Variants in IL17B observed in about 807,000 individuals in gnomAD.
The protein encoded by IL17B is interleukin-17B.
IL17B carries 14 observed loss-of-function variants against 14.7 expected under a neutral mutation model. That is an observed-to-expected ratio of 0.95 (90% CI 0.63 to 1.49). The LOEUF (loss-of-function observed/expected upper bound fraction) is 1.49, where lower values mean the gene tolerates loss of function less well. IL17B is among the 40% of genes most tolerant of loss of function. IL17B has a pLI of 0.00. For missense variants in IL17B, 233 were observed against 252.8 expected, an observed-to-expected ratio of 0.92 and a Z score of 0.53; for synonymous variants, 105 against 94.8, an observed-to-expected ratio of 1.11 and a Z score of -0.62.
rs114081659 is a variant in IL17B, at chr5:149,387,856, G to C, written n.96-10831C>G. On this transcript the variant is annotated intron_variant and non_coding_transcript_variant, in intron 1 of 2. Transcript: ENST00000505432. Reference sequence around the variant, plus strand: ...TTATTTACTTGCTGGATCAACACGTGAATGTAAGTATTTTACAGAAGAAGA... The same window carrying C: ...TTATTTACTTGCTGGATCAACACGTCAATGTAAGTATTTTACAGAAGAAGA... 4.6e-3 allele frequency among the ~76,000 whole-genome samples: 695 copies of C among 151,920 alleles called. 4 individuals carry two copies. Among genetic ancestry groups the C allele is most frequent in the African/African-American group, 0.016 (659 of 41,392 alleles).
chr5:149,374,906 C>G lies in IL17B; in HGVS notation c.312-306G>C. 3.3e-6 allele frequency: 1 copy of G among 301,330 alleles called. No individual in the cohort carries two copies. The highest frequency in any genetic ancestry group is 6.2e-6 in the Non-Finnish European group (1 of 160,274). The allele number at this position is 301,330 out of a possible 1,614,324, so 18.7% of individuals were successfully genotyped here. On this transcript the variant is annotated intron_variant, in intron 2 of 2. Transcript: ENST00000261796. The surrounding 1 kb of genome is among the most constrained non-coding windows in gnomAD (Gnocchi z 5.0). ...GCTGTGGGGATTGTGGAGTAGCCCT[C>G]TACCACCTAGGGCCCTCATGTGTTT...
Position 149,377,012 on chromosome 5 carries a change from G to T in IL17B, c.35C>A (p.Thr12Asn). 1 of 1,553,752 alleles carries T rather than the reference G, an allele frequency of 6.4e-7. No individual in the cohort carries two copies. The highest frequency in any genetic ancestry group is 8.7e-7 in the Non-Finnish European group (1 of 1,155,552). Residue 12 changes from threonine to asparagine, a missense_variant, in exon 2 of 3, where the codon ACC (threonine) becomes AAC (asparagine). By Grantham distance (65) the Thr-to-Asn change is moderately conservative. Coordinates refer to ENST00000261796, the MANE Select transcript of IL17B (RefSeq NM_014443.3). ...GCCCAGCCCCAGGAAGATGGAAATG[G>T]TAAGAAGAAACAGCTGGGGAGGAAA... ...DWPHNLLFLL[T>N]ISIFLGLGQP...
chr5:149,396,844 G>A (rs1422188701), intron 1 of IL17B, among the ~76,000 whole-genome samples: 3 of 152,196 alleles, frequency 2.0e-5, no homozygotes. Context: ...CTCAATATCA[G>A]CAAGTGCCTT....
chr5:149,380,072 C>G (rs1426486062), upstream of IL17B, among the ~76,000 whole-genome samples: 1 of 152,164 alleles, frequency 6.6e-6, no homozygotes, highest in African/African-American at 2.4e-5. Flanking sequence ...CTGGGGTGGT[C>G]TCCGCTCTCA....
Position 149,390,213 on chromosome 5 carries a change from A to T in IL17B, n.96-13188T>A, listed in dbSNP as rs184792060. Among the ~76,000 whole-genome samples, 240 of 142,278 alleles carry T rather than the reference A, an allele frequency of 1.7e-3. 5 individuals are homozygous for T. Among genetic ancestry groups the T allele is most frequent in the African/African-American group, 5.6e-3 (224 of 39,918 alleles). The allele number at this position is 142,278 out of a possible 152,430, so 93.3% of individuals were successfully genotyped here. A position where few individuals can be genotyped will look rare whatever the true frequency, so the allele number is the denominator to read the frequency against. ...GAATTCCCCTGCTATTACTGGTATT[A>T]GTGACCCCCCCCCTCCCTGTCCCTG... On this transcript the variant is annotated intron_variant and non_coding_transcript_variant, in intron 1 of 2. Coordinates refer to the IL17B transcript ENST00000505432.
rs1183872406 is a variant in IL17B at position 149,397,702 on chromosome 5, T to C, written n.95+6406A>G. Among the ~76,000 whole-genome samples, 4 of 152,186 alleles carry C rather than the reference T, an allele frequency of 2.6e-5. No homozygotes were observed. The East Asian group carries it at 7.7e-4, about 29-fold the overall frequency. On this transcript the variant is annotated intron_variant and non_coding_transcript_variant, in intron 1 of 2. Transcript: ENST00000505432. ...TGAGAGATTTATTAGGCGGATTGAC[T>C]CACATGATTACAGTGGCTGAGAAGT... is the stretch of plus-strand genomic sequence containing the variant.
intron 1 of IL17B, among the ~76,000 whole-genome samples, chr5:149,392,128 T>C (rs1758981005): frequency 6.6e-6 from 1 of 152,208 alleles, no homozygotes; most frequent in Non-Finnish European, 1.5e-5. Flanking sequence ...GAATCACAAA[T>C]GCACAAGGAC....
upstream of IL17B, among the ~76,000 whole-genome samples, chr5:149,384,142 G>C (rs1430734899): frequency 4.6e-5 from 7 of 152,158 alleles, no homozygotes; most frequent in Non-Finnish European, 1.5e-5. Context: ...TAAAACTCTG[G>C]TTGTTGAAAA....
At position 149,379,282 on chromosome 5, in the gene IL17B, G is replaced by A. The variant is rs566010839; in HGVS notation, c.-57C>T. ...CTGCCCGCCTGGAACCCCAGATGCC[G>A]CCGAGAGAATGGCAGCAACAGGATG... On this transcript the variant is annotated 5_prime_UTR_variant, in exon 1 of 3. Transcript: ENST00000261796. 2.5e-5 allele frequency: 40 copies of A among 1,608,288 alleles called. No individual in the cohort carries two copies. The highest frequency in any genetic ancestry group is 3.4e-5 in the Admixed American group (2 of 59,530).
rs544658037 is a variant in IL17B at position 149,379,194 on chromosome 5, G to A, written c.21+11C>T. On this transcript the variant is annotated intron_variant, in intron 1 of 2. Transcript: ENST00000261796. ...AAAGGGGTGGGGGTGCGGCAGGGAAGCGCCACGTACCAGGTTGTGAGGCCA... is the reference window on the plus strand; with the variant it reads ...AAAGGGGTGGGGGTGCGGCAGGGAAACGCCACGTACCAGGTTGTGAGGCCA... The A allele has an allele frequency of 2.1e-5, 34 of 1,614,094 alleles. 1 individual carries two copies. In the South Asian group the frequency reaches 3.2e-4, roughly 15 times the overall value.
upstream of IL17B, among the ~76,000 whole-genome samples, chr5:149,383,404 G>A (rs1029977264): frequency 6.6e-6 from 1 of 152,178 alleles, no homozygotes; most frequent in Non-Finnish European, 1.5e-5. Context: ...GCAAGGCCAG[G>A]GGGACCTGAA....
upstream of IL17B, among the ~76,000 whole-genome samples, chr5:149,384,006 A>G (rs1292847362): frequency 6.6e-6 from 1 of 152,208 alleles, no homozygotes; most frequent in Non-Finnish European, 1.5e-5. Context: ...CACCACCCAC[A>G]GGCCATCAGA....
Position 149,374,725 on chromosome 5 carries a change from TG to T in IL17B, c.312-126del. On this transcript the variant is annotated intron_variant, in intron 2 of 2. Coordinates refer to ENST00000261796, the MANE Select transcript of IL17B (RefSeq NM_014443.3). The surrounding 1 kb of genome is among the most constrained non-coding windows in gnomAD (Gnocchi z 5.0). ...TTTCCACAGCAAGACTGTGTTGGGC[TG>T]GAGGAAAGGCAGTAATCAACTCCAT... The T allele has an allele frequency of 1.4e-6, 1 of 699,464 alleles. No homozygotes were observed. The highest frequency in any genetic ancestry group is 2.3e-6 in the Non-Finnish European group (1 of 431,498). The allele number at this position is 699,464 out of a possible 1,614,324, so 43.3% of individuals were successfully genotyped here.
chr5:149,379,735 C>T (rs1758640051), upstream of IL17B, among the ~76,000 whole-genome samples: 1 of 152,182 alleles, frequency 6.6e-6, no homozygotes, highest in Non-Finnish European at 1.5e-5. Context: ...GCACTCCAGC[C>T]TCTGCCGGCC....
At chr5:149,394,418 G>A (rs1759050547) in intron 1 of IL17B, among the ~76,000 whole-genome samples, 1 of 152,176 alleles carries the variant, frequency 6.6e-6, no homozygotes, top group South Asian at 2.1e-4. Flanking sequence ...TTTCACAAAT[G>A]CACATGTACA....
At chr5:149,383,480 C>A (rs980286007), upstream of IL17B, among the ~76,000 whole-genome samples, 30 of 152,288 alleles carry the variant, frequency 2.0e-4, no homozygotes, top group African/African-American at 6.3e-4. Context: ...AGAGGCTAGT[C>A]GGCGCCTTTG....
rs770594038 is a variant in IL17B, at chr5:149,374,806, A to G, written c.312-206T>C. 3.7e-6 allele frequency: 2 copies of G among 537,486 alleles called. No homozygotes were observed. Among genetic ancestry groups the G allele is most frequent in the Admixed American group, 3.1e-5 (1 of 31,894 alleles). 33.3% of individuals were successfully genotyped at this position (537,486 alleles called of 1,614,324 possible). A position where few individuals can be genotyped will look rare whatever the true frequency, so the allele number is the denominator to read the frequency against. On this transcript the variant is annotated intron_variant, in intron 2 of 2. Transcript: ENST00000261796. The surrounding 1 kb of genome is among the most constrained non-coding windows in gnomAD (Gnocchi z 5.0). ...AAGGCAAGTCGAGAGCCCCAAGGTT[A>G]TCCAGCTTCAAGGTCACCAGTCACC... is the stretch of plus-strand genomic sequence containing the variant.
At chr5:149,392,997 T>TGCTGCGTGTGTGC (rs1160104348) in intron 1 of IL17B, among the ~76,000 whole-genome samples, 2 of 149,672 alleles carry the variant, frequency 1.3e-5, no homozygotes, top group Non-Finnish European at 3.0e-5. Flanking sequence ...TGCGTGTGTG[T>TGCTGCGTGTGTGC]GCTGCGTGTG....
At chr5:149,402,455 T>C (rs1759224250) in intron 1 of IL17B, among the ~76,000 whole-genome samples, 1 of 152,014 alleles carries the variant, frequency 6.6e-6, no homozygotes, top group South Asian at 2.1e-4. Context: ...CTCAGGACAA[T>C]GAGTTAATTC....
Sources: gnomAD v4.1 joint callset for allele counts (sites outside exome capture counted in the v4.1 genomes callset) on GRCh38, gnomAD v4.1.1 for gene constraint, Gnocchi (gnomAD v3.1) non-coding constraint, MANE v1.5 for transcripts, NCBI Gene and HGNC (gene_info 2026-07-23, HGNC 2026-07-21) for gene names.